ABCA13: variants seen among roughly 807,000 people sequenced by gnomAD.
The protein encoded by ABCA13 is ATP-binding cassette sub-family A member 13.
Under a neutral mutation model 478.7 loss-of-function variants are expected in ABCA13, and 476 were observed. The ratio of observed to expected loss-of-function variants is 0.99; its 90% CI spans 0.92 to 1.07. ABCA13 has a LOEUF of 1.07. Ranked by LOEUF, ABCA13 falls within the 50% of genes least tolerant of loss-of-function variation. The probability of loss-of-function intolerance (pLI) is 0.00; values close to 1 mark genes in which losing one functional copy is unlikely to be tolerated. For missense variants in ABCA13, 6,060 were observed against 5,910.6 expected, an observed-to-expected ratio of 1.03 and a Z score of -0.83; for synonymous variants, 2,252 against 2,158.9, an observed-to-expected ratio of 1.04 and a Z score of -1.20.
Position 48,573,948 on chromosome 7 carries a change from A to G in ABCA13, c.14355-6276A>G, listed in dbSNP as rs1455919794. Among the ~76,000 whole-genome samples, 5 of 152,136 alleles carry G rather than the reference A, an allele frequency of 3.3e-5. No homozygotes were observed. The East Asian group carries it at 9.7e-4, about 29-fold the overall frequency. On this transcript the variant is annotated intron_variant, in intron 55 of 61. Coordinates refer to ENST00000435803, the MANE Select transcript of ABCA13 (RefSeq NM_152701.5). Reference sequence around the variant, plus strand: ...TGTGTGTTTATATAGTCTTCCCTCTATATATGTGTCTGTGTCCACATTTTC... The same window carrying G: ...TGTGTGTTTATATAGTCTTCCCTCTGTATATGTGTCTGTGTCCACATTTTC...
intron 42 of ABCA13, 113 bp downstream of exon 42, chr7:48,427,984 T>C (rs13243091): frequency 0.3 from 197,923 of 668,010 alleles, 30,903 homozygotes; most frequent in East Asian, 0.43. Context: ...AGTGAGGAGA[T>C]GTGAGTGTAT....
intron 55 of ABCA13, among the ~76,000 whole-genome samples, chr7:48,536,053 T>C (rs1485619541): frequency 1.3e-5 from 2 of 152,182 alleles, no homozygotes; most frequent in Non-Finnish European, 2.9e-5. Flanking sequence ...CCTGGTATGT[T>C]CCTAGGGTAA....
At chr7:48,509,938 C>A (rs1346847784) in intron 50 of ABCA13, among the ~76,000 whole-genome samples, 1 of 152,276 alleles carries the variant, frequency 6.6e-6, no homozygotes, top group East Asian at 1.9e-4. Flanking sequence ...GGAAGCTGGC[C>A]CTCGCCAGTC....
At chr7:48,607,311 C>T (rs926014890) in intron 58 of ABCA13, among the ~76,000 whole-genome samples, 7 of 152,218 alleles carry the variant, frequency 4.6e-5, no homozygotes, top group African/African-American at 1.2e-4. Context: ...CCCCTGACCC[C>T]TTGCACTTCC....
intron 35 of ABCA13, among the ~76,000 whole-genome samples, chr7:48,383,253 T>A (rs1438751997): frequency 6.6e-6 from 1 of 152,208 alleles, no homozygotes; most frequent in Non-Finnish European, 1.5e-5. Context: ...GTTGCAGTTG[T>A]CTATGTGTGC....
At chr7:48,414,827 T>C (rs113134822) in intron 41 of ABCA13, among the ~76,000 whole-genome samples, 49 of 151,958 alleles carry the variant, frequency 3.2e-4, no homozygotes, top group African/African-American at 1.1e-3. Flanking sequence ...TCCCAAGGAG[T>C]AACAATCATG....
At chr7:48,591,385 G>A (rs776260091) in intron 57 of ABCA13, among the ~76,000 whole-genome samples, 38 of 151,902 alleles carry the variant, frequency 2.5e-4, no homozygotes, top group Non-Finnish European at 3.7e-4. Context: ...TAGCATAGTA[G>A]TATATTTTGA....
In ABCA13 at chr7:48,412,458, C is replaced by T. The variant is rs1819398011; in HGVS notation, c.12334C>T (p.Leu4112=). The T allele has an allele frequency of 6.2e-7, 1 of 1,613,190 alleles. No individual in the cohort carries two copies. Among genetic ancestry groups the T allele is most frequent in the Non-Finnish European group, 8.5e-7 (1 of 1,179,766 alleles). Residue 4112 remains leucine, a synonymous_variant, in exon 41 of 62, where the codon CTG becomes TTG. Transcript: ENST00000435803. ...AFLKDSSGSE[L]TYTIPKDTDK... is the part of the protein sequence containing the mutation. ...TCTCAAAGACAGCAGTGGAAGTGAG[C>T]TGACCTACACCATTCCAAAGGACAC...
chr7:48,227,402 G>A lies in ABCA13; in HGVS notation c.609G>A (p.Val203=), dbSNP rs1788382603. The A allele has an allele frequency of 6.2e-7, 1 of 1,613,942 alleles. No individual in the cohort carries two copies. Among genetic ancestry groups the A allele is most frequent in the Non-Finnish European group, 8.5e-7 (1 of 1,179,886 alleles). ...DHVEDGMDVA[V]NLLQTILNSL... ...TGGAAGATGGCATGGATGTTGCAGT[G>A]AACCTTCTCCAGACCATTTTGAAGT... Residue 203 remains valine (V), a synonymous_variant, in exon 6 of 62, where the codon GTG becomes GTA. Coordinates refer to ENST00000435803, the MANE Select transcript of ABCA13 (RefSeq NM_152701.5).
chr7:48,513,199 C>A (rs1831844112), intron 51 of ABCA13, among the ~76,000 whole-genome samples: 1 of 152,188 alleles, frequency 6.6e-6, no homozygotes, highest in South Asian at 2.1e-4. Flanking sequence ...AGCCCAAGGG[C>A]AAACTCAGGA....
At chr7:48,392,588 A>G (rs1205904015) in intron 38 of ABCA13, among the ~76,000 whole-genome samples, 1 of 152,172 alleles carries the variant, frequency 6.6e-6, no homozygotes, top group Non-Finnish European at 1.5e-5. Flanking sequence ...AGATTAAGAA[A>G]AAAAGAGCCT....
intron 38 of ABCA13, among the ~76,000 whole-genome samples, chr7:48,397,025 G>C (rs1816928248): frequency 6.6e-6 from 1 of 152,186 alleles, no homozygotes; most frequent in African/African-American, 2.4e-5. Context: ...CATAGTGTCT[G>C]TTTTTGTGTC....
chr7:48,618,136 A>C (rs1792776787), intron 59 of ABCA13, among the ~76,000 whole-genome samples: 1 of 152,068 alleles, frequency 6.6e-6, no homozygotes, highest in Non-Finnish European at 1.5e-5. Flanking sequence ...AGACCCAAGC[A>C]CAGGGATCAC....
chr7:48,436,004 A>C (rs147516043), intron 42 of ABCA13, among the ~76,000 whole-genome samples: 1 of 149,340 alleles, frequency 6.7e-6, no homozygotes, highest in African/African-American at 2.5e-5. Flanking sequence ...CTTTGGCTTC[A>C]TAACTCATTC....
At chr7:48,212,485 A>C (rs1038151834) in intron 3 of ABCA13, among the ~76,000 whole-genome samples, 2 of 152,196 alleles carry the variant, frequency 1.3e-5, no homozygotes, top group Non-Finnish European at 2.9e-5. Flanking sequence ...TGTTTAGTGT[A>C]TGTTTAGCTA....
Position 48,273,011 on chromosome 7 carries a change from T to C in ABCA13, c.3345T>C (p.Ser1115=). ...KHISSVNYST[S]EESSFVFPLA... is the part of the protein sequence containing the mutation. Reference sequence around the variant, plus strand: ...TTTCTTCCGTAAATTATTCAACAAGTGAGGAGTCTTCATTTGTTTTTCCAT... The same window carrying C: ...TTTCTTCCGTAAATTATTCAACAAGCGAGGAGTCTTCATTTGTTTTTCCAT... The change falls in exon 17 of 62, where the codon AGT becomes AGC. Residue 1115 remains serine, a synonymous_variant. Coordinates refer to ENST00000435803, the MANE Select transcript of ABCA13 (RefSeq NM_152701.5). The C allele has an allele frequency of 1.9e-6, 3 of 1,613,684 alleles. No individual in the cohort carries two copies. Among genetic ancestry groups the C allele is most frequent in the Non-Finnish European group, 2.5e-6 (3 of 1,179,734 alleles).
chr7:48,593,868 T>C (rs1256666965), intron 57 of ABCA13, among the ~76,000 whole-genome samples: 1 of 151,658 alleles, frequency 6.6e-6, no homozygotes, highest in Non-Finnish European at 1.5e-5. Flanking sequence ...AGGTTTTTTT[T>C]CTTTCATAGG....
rs1818876770 is a variant in ABCA13, at chr7:48,410,580, T to A, written c.12131T>A (p.Val4044Glu). The A allele has an allele frequency of 6.2e-7, 1 of 1,613,910 alleles. No individual in the cohort carries two copies. Among genetic ancestry groups the A allele is most frequent in the African/African-American group, 1.3e-5 (1 of 74,940 alleles). ...GAAGCTGAAGCGCTGAGTGACCGCG[T>A]GGCCGTCCTCCAGCATGGGAGGCTC... ...LDEAEALSDR[V>E]AVLQHGRLRC... Residue 4044 changes from valine (V) to glutamate (E), a missense_variant, in exon 40 of 62, where the codon GTG (valine) becomes GAG (glutamate). This residue lies in a region of ABCA13 where 1,627 missense variants were observed against 1,571.0 expected (regional missense o/e 1.04). Transcript: ENST00000435803.
intron 10 of ABCA13, among the ~76,000 whole-genome samples, chr7:48,241,509 T>C (rs1790829538): frequency 1.3e-5 from 2 of 152,232 alleles, no homozygotes; most frequent in South Asian, 4.1e-4. Context: ...TCCAGAAATA[T>C]TGTAGAAGTA....
Sources: allele counts gnomAD v4.1 joint callset (sites outside exome capture counted in the v4.1 genomes callset), GRCh38; gene constraint gnomAD v4.1.1; regional missense constraint gnomAD v4.1.1; transcripts MANE v1.5; gene names NCBI Gene and HGNC (gene_info 2026-07-23, HGNC 2026-07-21).